Variants in LRRC8D observed in about 807,000 individuals in gnomAD.
LRRC8D encodes volume-regulated anion channel subunit LRRC8D.
LRRC8D carries 20 observed loss-of-function variants against 55.8 expected under a neutral mutation model. That is an observed-to-expected ratio of 0.36 (90% CI 0.25 to 0.52). The LOEUF (loss-of-function observed/expected upper bound fraction) is 0.52. Among genes scored for constraint, LRRC8D ranks in the 20% least tolerant of loss-of-function variants. The probability of loss-of-function intolerance (pLI) is 0.93; values close to 1 mark genes in which losing one functional copy is unlikely to be tolerated. For synonymous variants in LRRC8D, 352 were observed against 377.0 expected (o/e 0.93, Z 0.77); for missense variants, 651 against 1,030.8 (o/e 0.63, Z 5.05).
At chr1:89,850,691 T>C (rs1661390241) in intron 2 of LRRC8D, among the ~76,000 whole-genome samples, 1 of 152,222 alleles carries the variant, frequency 6.6e-6, no homozygotes. Flanking sequence ...ATCCAGCCTG[T>C]CATTGATGGA....
rs1459056170 is a variant in LRRC8D, at chr1:89,855,445, A to G, written c.-3+11663A>G. On this transcript the variant is annotated intron_variant, in intron 2 of 2. Transcript: ENST00000337338. ...ATTATTGTAATAATTTAACAAGCCT[A>G]AGCAGGTGATAGGACACTCCTTTGT... Among the ~76,000 whole-genome samples the G allele has an allele frequency of 2.6e-5, 4 of 152,358 alleles. No homozygotes were observed. The East Asian group carries it at 7.7e-4, about 29-fold the overall frequency.
intron 2 of LRRC8D, among the ~76,000 whole-genome samples, chr1:89,875,436 A>C (rs927479010): frequency 6.6e-6 from 1 of 152,102 alleles, no homozygotes; most frequent in African/African-American, 2.4e-5. Context: ...AATATAACAA[A>C]ATCCTTATCC....
Position 89,860,802 on chromosome 1 carries a change from A to G in LRRC8D, c.-3+17020A>G, listed in dbSNP as rs916206305. Among the ~76,000 whole-genome samples, 177 of 130,706 alleles carry G rather than the reference A, an allele frequency of 1.4e-3. 5 individuals carry two copies. Among genetic ancestry groups the G allele is most frequent in the African/African-American group, 4.8e-3 (171 of 35,470 alleles). 85.7% of individuals were successfully genotyped at this position (130,706 alleles called of 152,430 possible). On this transcript the variant is annotated intron_variant, in intron 2 of 2. Coordinates refer to ENST00000337338, the MANE Select transcript of LRRC8D (RefSeq NM_001134479.2). Reference sequence around the variant, plus strand: ...AAAAAAAAAATATATATATATATATATATATATACACACACAGACGCATTT... The same window carrying G: ...AAAAAAAAAATATATATATATATATGTATATATACACACACAGACGCATTT...
chr1:89,850,625 T>C (rs527520102), intron 2 of LRRC8D, among the ~76,000 whole-genome samples: 3 of 152,346 alleles, frequency 2.0e-5, no homozygotes, highest in African/African-American at 7.2e-5. Context: ...TGAATTTTTA[T>C]GTTCTTTTTT....
At chr1:89,902,065 A>G (rs1410442169) in intron 2 of LRRC8D, among the ~76,000 whole-genome samples, 1 of 152,286 alleles carries the variant, frequency 6.6e-6, no homozygotes, top group African/African-American at 2.4e-5. Context: ...GCCCTGGGGC[A>G]GAAGTAGGCC....
chr1:89,828,686 C>G (rs1456170732), intron 1 of LRRC8D, among the ~76,000 whole-genome samples: 2 of 152,124 alleles, frequency 1.3e-5, no homozygotes, highest in African/African-American at 4.8e-5. Context: ...TGTGTCTACC[C>G]CTTGACACCT....
At chr1:89,862,607 A>G (rs1661748828) in intron 2 of LRRC8D, among the ~76,000 whole-genome samples, 2 of 152,178 alleles carry the variant, frequency 1.3e-5, no homozygotes, top group South Asian at 2.1e-4. Flanking sequence ...AGTTAACTCT[A>G]GGAGATGGGT....
chr1:89,909,275 C>T (rs1663073157), intron 2 of LRRC8D, among the ~76,000 whole-genome samples: 2 of 151,918 alleles, frequency 1.3e-5, no homozygotes, highest in South Asian at 4.2e-4. Flanking sequence ...GGTTTTTCTT[C>T]TGCTTGTGAT....
intron 2 of LRRC8D, among the ~76,000 whole-genome samples, chr1:89,858,675 C>CT (rs11309659): frequency 6.7e-6 from 1 of 150,144 alleles, no homozygotes. Flanking sequence ...TAATTTTGGA[C>CT]TTTTTTTTTT....
Position 89,911,224 on chromosome 1 carries a change from AC to A in LRRC8D, c.-2-21841del, listed in dbSNP as rs1663127240. Among the ~76,000 whole-genome samples, 1 of 151,170 alleles carries A rather than the reference AC, an allele frequency of 6.6e-6. No homozygotes were observed. The highest frequency in any genetic ancestry group is 2.4e-5 in the African/African-American group (1 of 41,094). On this transcript the variant is annotated intron_variant, in intron 2 of 2. Transcript: ENST00000337338. This position sits in a 1 kb window ranked among gnomAD's most constrained non-coding sequence, Gnocchi z 4.0. Reference sequence around the variant, plus strand: ...AGTTTGTGGAATTATTTTGCAAGTTACCTTTTTCCCTTTAGACTTTTCAAAA... The same window carrying A: ...AGTTTGTGGAATTATTTTGCAAGTTACTTTTTCCCTTTAGACTTTTCAAAA...
At chr1:89,864,421 C>G (rs1425110188) in intron 2 of LRRC8D, among the ~76,000 whole-genome samples, 1 of 152,178 alleles carries the variant, frequency 6.6e-6, no homozygotes, top group Non-Finnish European at 1.5e-5. Context: ...CCACTATCCA[C>G]CAGTTACCAT....
chr1:89,935,870 G>T lies in LRRC8D; in HGVS notation c.*225G>T. On this transcript the variant is annotated 3_prime_UTR_variant, in exon 3 of 3. Transcript: ENST00000337338. ...CATTTTTTTTTTTCTTTTGGGGAAA[G>T]GGAAGGAAAAATTATAATCACTAAT... is the stretch of plus-strand genomic sequence containing the variant. The T allele has an allele frequency of 2.4e-6, 1 of 408,552 alleles. No individual in the cohort carries two copies. Among genetic ancestry groups the T allele is most frequent in the South Asian group, 6.3e-5 (1 of 15,996 alleles). 25.3% of individuals were successfully genotyped at this position (408,552 alleles called of 1,614,324 possible). A position where few individuals can be genotyped will look rare whatever the true frequency, so the allele number is the denominator to read the frequency against.
intron 2 of LRRC8D, among the ~76,000 whole-genome samples, chr1:89,868,887 TTTG>T (rs1661922041): frequency 6.6e-6 from 1 of 152,102 alleles, no homozygotes; most frequent in African/African-American, 2.4e-5. Flanking sequence ...CACTGTATTT[TTTG>T]TTGTTGTTTT....
intron 2 of LRRC8D, among the ~76,000 whole-genome samples, chr1:89,899,152 C>T (rs1662785547): frequency 6.6e-6 from 1 of 151,588 alleles, no homozygotes; most frequent in African/African-American, 2.4e-5. Flanking sequence ...ACCCTAGGTC[C>T]ACTAAGTTGG....
chr1:89,933,235 C>T lies in LRRC8D; in HGVS notation c.167C>T (p.Pro56Leu). The stretch of plus-strand genomic sequence containing the variant: ...ACCAAAGATCAGGTGGTCTGTTTGC[C>T]AGTATTGCCATCTCCTGTAAATTCA... ...QLTKDQVVCLPVLPSPVNSKA... is the reference protein window; with the variant it reads ...QLTKDQVVCLLVLPSPVNSKA... Residue 56 changes from proline to leucine, a missense_variant, in exon 3 of 3, where the codon CCA (proline) becomes CTA (leucine). Physicochemically the swap from Pro to Leu is moderately conservative, Grantham distance 98 (BLOSUM62 -3). Coordinates refer to ENST00000337338, the MANE Select transcript of LRRC8D (RefSeq NM_001134479.2). The surrounding 1 kb of genome is among the most constrained non-coding windows in gnomAD (Gnocchi z 7.0). The T allele has an allele frequency of 2.5e-6, 4 of 1,614,202 alleles. No homozygotes were observed. The highest frequency in any genetic ancestry group is 2.5e-6 in the Non-Finnish European group (3 of 1,180,048).
intron 2 of LRRC8D, among the ~76,000 whole-genome samples, chr1:89,874,745 A>G (rs7517253): frequency 0.036 from 5,496 of 152,282 alleles, 345 homozygotes; most frequent in African/African-American, 0.13. Context: ...AAAAGGTGGC[A>G]TTTAAGGAGT....
chr1:89,920,518 A>G (rs1026380776), intron 2 of LRRC8D, among the ~76,000 whole-genome samples: 2 of 152,084 alleles, frequency 1.3e-5, no homozygotes, highest in Admixed American at 6.5e-5. Context: ...CCAAAATAGC[A>G]TTAGAAAGGA....
In LRRC8D at chr1:89,933,488, C is replaced by T. The variant is rs774468772; in HGVS notation, c.420C>T (p.Asn140=). Residue 140 remains asparagine, a synonymous_variant, in exon 3 of 3, where the codon AAC becomes AAT. Transcript: ENST00000337338. The surrounding 1 kb of genome is among the most constrained non-coding windows in gnomAD (Gnocchi z 7.0). ...AAGATCCAACAGGTCGAAAAACAAA[C>T]TTGGATTTTCAGCAATATGTATTTA... is the stretch of plus-strand genomic sequence containing the variant. ...EKKDPTGRKT[N]LDFQQYVFIN... is the part of the protein sequence containing the mutation. The T allele has an allele frequency of 1.9e-6, 3 of 1,614,154 alleles. No individual in the cohort carries two copies. In the South Asian group the frequency reaches 3.3e-5, roughly 18 times the overall value.
intron 2 of LRRC8D, among the ~76,000 whole-genome samples, chr1:89,919,715 GC>G (rs751034515): frequency 3.3e-5 from 5 of 152,138 alleles, no homozygotes; most frequent in Non-Finnish European, 7.4e-5. Context: ...TCTCTTAGCT[GC>G]CAGACTGTTT....
Sources: gnomAD v4.1 joint callset for allele counts (sites outside exome capture counted in the v4.1 genomes callset) on GRCh38, gnomAD v4.1.1 for gene constraint, Gnocchi (gnomAD v3.1) non-coding constraint, MANE v1.5 for transcripts, NCBI Gene and HGNC (gene_info 2026-07-23, HGNC 2026-07-21) for gene names.